Variants in SFR1 observed in about 807,000 individuals in gnomAD.
SFR1 encodes the protein swi5-dependent recombination DNA repair protein 1 homolog.
SFR1 carries 24 observed loss-of-function variants against 26.2 expected under a neutral mutation model. That is an observed-to-expected ratio of 0.92 (90% CI 0.66 to 1.29). The LOEUF (loss-of-function observed/expected upper bound fraction) is 1.29. SFR1 is among the 50% of genes most tolerant of loss of function. The pLI is 0.00. For missense variants in SFR1, 276 were observed against 270.2 expected (o/e 1.02, Z -0.15); for synonymous variants, 77 against 96.6 (o/e 0.80, Z 1.19).
rs188045277 is a variant in SFR1 at position 104,123,349 on chromosome 10, A to G, written c.135+263A>G. ...AATACTCCAGATGGAGAAAGTTTGC[A>G]TCTGTGCAATATTATTATGAAGGTC... On this transcript the variant is annotated intron_variant, in intron 2 of 3. Transcript: ENST00000369727. 376 of 425,642 alleles carry G rather than the reference A, an allele frequency of 8.8e-4. 4 individuals are homozygous for G. The highest frequency in any genetic ancestry group is 1.9e-4 in the Non-Finnish European group (46 of 242,368). 26.4% of individuals were successfully genotyped at this position (425,642 alleles called of 1,614,324 possible).
Position 104,125,884 on chromosome 10 carries a change from G to A in SFR1, c.*180G>A, listed in dbSNP as rs60267411. The A allele has an allele frequency of 0.044, 19,429 of 440,196 alleles. 1,444 individuals carry two copies. The highest frequency in any genetic ancestry group is 0.22 in the African/African-American group (10,609 of 49,210). The allele number at this position is 440,196 out of a possible 1,614,324, so 27.3% of individuals were successfully genotyped here. On this transcript the variant is annotated 3_prime_UTR_variant, in exon 4 of 4. Coordinates refer to ENST00000369727, the MANE Select transcript of SFR1 (RefSeq NM_001002759.2). Reference sequence around the variant, plus strand: ...GGGTTCCAGCAATTCTCCTGCCTCAGCCTCCCGAGTAGCTGAGATTACAGG... The same window carrying A: ...GGGTTCCAGCAATTCTCCTGCCTCAACCTCCCGAGTAGCTGAGATTACAGG...
upstream of SFR1, among the ~76,000 whole-genome samples, chr10:104,120,507 T>A (rs1231184730): frequency 2.6e-5 from 4 of 152,232 alleles, no homozygotes; most frequent in Admixed American, 2.0e-4. Context: ...AGCATCTTTT[T>A]AAAATATATG....
At chr10:104,122,095 G>C, upstream of SFR1, 1 of 1,463,662 alleles carries the variant, frequency 6.8e-7, no homozygotes, top group South Asian at 1.2e-5. Flanking sequence ...GGCCAATTGC[G>C]CATCTTTTCC....
upstream of SFR1, among the ~76,000 whole-genome samples, chr10:104,121,799 G>A (rs1247227217): frequency 1.3e-5 from 2 of 152,192 alleles, no homozygotes; most frequent in Non-Finnish European, 2.9e-5. Flanking sequence ...AACAGAAGCC[G>A]CGAACGGAAG....
chr10:104,123,197 ATAAG>A (rs1420013328), intron 2 of SFR1, 111 bp downstream of exon 2: 1 of 836,796 alleles, frequency 1.2e-6, no homozygotes, highest in Non-Finnish European at 1.8e-6. Flanking sequence ...TGTAGCATAA[ATAAG>A]TAGACATTTT....
At chr10:104,120,389 AT>A (rs1427414755), upstream of SFR1, among the ~76,000 whole-genome samples, 1 of 152,224 alleles carries the variant, frequency 6.6e-6, no homozygotes, top group African/African-American at 2.4e-5. Flanking sequence ...GGGTTAACTT[AT>A]GTAATTTTAA....
intron 3 of SFR1, among the ~76,000 whole-genome samples, chr10:104,125,289 T>C (rs1006394472): frequency 6.6e-6 from 1 of 152,156 alleles, no homozygotes; most frequent in Non-Finnish European, 1.5e-5. Flanking sequence ...TCCCTTATCA[T>C]AAAGATGGCC....
intron 1 of SFR1, chr10:104,122,597 G>C: frequency 1.0e-6 from 1 of 985,384 alleles, no homozygotes; most frequent in Non-Finnish European, 1.2e-6. Flanking sequence ...TTGAGTCAAG[G>C]TTTCGGCTAT....
upstream of SFR1, chr10:104,122,139 C>T (rs928360636): frequency 5.8e-6 from 9 of 1,546,618 alleles, no homozygotes; most frequent in Admixed American, 9.8e-5. Context: ...GCCACAGGAT[C>T]GATTTACGGC....
upstream of SFR1, among the ~76,000 whole-genome samples, chr10:104,121,578 A>T (rs187068155): frequency 6.3e-4 from 96 of 152,332 alleles, 1 homozygote; most frequent in African/African-American, 2.2e-3. Flanking sequence ...GGAGTCCACA[A>T]GCTGTAAATC....
At chr10:104,120,718 A>C (rs571875765), upstream of SFR1, among the ~76,000 whole-genome samples, 3 of 152,306 alleles carry the variant, frequency 2.0e-5, no homozygotes, top group South Asian at 4.1e-4. Context: ...GAAGAAACTG[A>C]GGCACAGAAT....
Position 104,122,346 on chromosome 10 carries a change from C to T in SFR1, c.13+150C>T, listed in dbSNP as rs901316786. ...CGGGGAACTAGTGGGCTTTCTGCAA[C>T]GGGGGGAAGGAGGGGACGACTCCCG... On this transcript the variant is annotated intron_variant, in intron 1 of 3. Transcript: ENST00000369727. 5 of 1,389,270 alleles carry T rather than the reference C, an allele frequency of 3.6e-6. No homozygotes were observed. The South Asian group carries it at 6.3e-5, about 18-fold the overall frequency. 86.1% of individuals were successfully genotyped at this position (1,389,270 alleles called of 1,614,324 possible).
chr10:104,125,500 T>G lies in SFR1; in HGVS notation c.547-13T>G, dbSNP rs377483335. ...ACTAGTTATTGACATACATGTTTTT[T>G]TTTCTGTTTCAGAATGATCTGTCTC... On this transcript the variant is annotated splice_polypyrimidine_tract_variant and intron_variant, in intron 3 of 3. Transcript: ENST00000369727. 1.4e-5 allele frequency: 23 copies of G among 1,593,910 alleles called. No individual in the cohort carries two copies. The African/African-American group carries it at 3.0e-4, about 21-fold the overall frequency.
At position 104,122,206 on chromosome 10, in the gene SFR1, T is replaced by A; in HGVS notation, c.13+10T>A. 3 of 1,542,866 alleles carry A rather than the reference T, an allele frequency of 1.9e-6. No individual in the cohort carries two copies. Among genetic ancestry groups the A allele is most frequent in the Non-Finnish European group, 2.6e-6 (3 of 1,143,328 alleles). The stretch of plus-strand genomic sequence containing the variant: ...GGAATGGCGGAGGGAGGTACCCTGC[T>A]GAGGGGAAGGGGGGATCCCTGACAC... On this transcript the variant is annotated intron_variant, in intron 1 of 3. Transcript: ENST00000369727.
intron 3 of SFR1, 51 bp downstream of exon 3, chr10:104,124,175 C>CTTTCCTGTAATTT: frequency 7.2e-7 from 1 of 1,394,282 alleles, no homozygotes; most frequent in Non-Finnish European, 9.5e-7. Context: ...ACATAAATTA[C>CTTTCCTGTAATTT]AGGAAAGTAA....
At chr10:104,122,619 T>C in intron 1 of SFR1, 1 of 1,310,304 alleles carries the variant, frequency 7.6e-7, no homozygotes, top group East Asian at 3.5e-5. Context: ...GCTTCTTGAA[T>C]TATGAAGCTG....
Position 104,122,194 on chromosome 10 carries a change from G to A in SFR1, c.11G>A (p.Gly4Glu), listed in dbSNP as rs2086970693. The change falls in exon 1 of 4, where the codon GGA becomes GAA. Residue 4 changes from glycine to glutamate, a missense_variant and splice_region_variant. Coordinates refer to ENST00000369727, the MANE Select transcript of SFR1 (RefSeq NM_001002759.2). MAEGEKNQDFTFKM... is the reference protein window; with the variant it reads MAEEEKNQDFTFKM... ...TTGCTCTCGCTGGGAATGGCGGAGG[G>A]AGGTACCCTGCTGAGGGGAAGGGGG... 1.6e-5 allele frequency: 25 copies of A among 1,546,372 alleles called. No homozygotes were observed. The highest frequency in any genetic ancestry group is 2.1e-5 in the Non-Finnish European group (24 of 1,145,018).
rs759402252 is a variant in SFR1 at position 104,123,776 on chromosome 10, C to A, written c.198C>A (p.Tyr66Ter). 1.2e-6 allele frequency: 2 copies of A among 1,610,660 alleles called. No individual in the cohort carries two copies. The highest frequency in any genetic ancestry group is 1.1e-5 in the South Asian group (1 of 90,266). Residue 66 changes from tyrosine (Y) to a stop codon, truncating the protein, a stop_gained, in exon 3 of 4, where the codon TAC becomes TAA. Transcript: ENST00000369727. LOFTEE classifies it high-confidence loss of function. ...RKTRFSFNSSYNVVKRLKVES... is the reference protein window; with the variant it reads ...RKTRFSFNSS ...CAAGATTTTCATTTAATTCCTCTTA[C>A]AATGTGGTGAAACGTCTTAAAGTAG...
chr10:104,124,313 C>T (rs1356337044), intron 3 of SFR1, among the ~76,000 whole-genome samples, 189 bp downstream of exon 3: 1 of 151,916 alleles, frequency 6.6e-6, no homozygotes, highest in Non-Finnish European at 1.5e-5. Context: ...CCAGGTAAAA[C>T]TTTTTAAGAA....
Sources: gnomAD v4.1 joint callset for allele counts (sites outside exome capture counted in the v4.1 genomes callset) on GRCh38, gnomAD v4.1.1 for gene constraint, MANE v1.5 for transcripts, NCBI Gene and HGNC (gene_info 2026-07-23, HGNC 2026-07-21) for gene names.